MED27: variants seen among roughly 807,000 people sequenced by gnomAD.
MED27 encodes mediator of RNA polymerase II transcription subunit 27.
Under a neutral mutation model 38.2 loss-of-function variants are expected in MED27, and 30 were observed. The ratio of observed to expected loss-of-function variants is 0.79; its 90% CI spans 0.59 to 1.07. The LOEUF (loss-of-function observed/expected upper bound fraction) is 1.07, where lower values mean the gene tolerates loss of function less well. Ranked by LOEUF, MED27 falls within the 50% of genes least tolerant of loss-of-function variation. MED27 has a pLI of 0.00. For synonymous variants in MED27, 122 were observed against 153.5 expected (o/e 0.79, Z 1.52); for missense variants, 289 against 397.5 (o/e 0.73, Z 2.32).
intron 3 of MED27, among the ~76,000 whole-genome samples, chr9:131,939,787 G>A (rs532123533): frequency 3.3e-5 from 5 of 152,094 alleles, no homozygotes; most frequent in East Asian, 1.9e-4. Context: ...TGTCCTTCCA[G>A]TCCAGGATGG....
At chr9:131,888,735 G>C (rs1462459357) in intron 5 of MED27, among the ~76,000 whole-genome samples, 2 of 152,140 alleles carry the variant, frequency 1.3e-5, no homozygotes, top group African/African-American at 4.8e-5. Flanking sequence ...CTGCAAACCA[G>C]CTATGGTGAC....
chr9:131,876,358 C>T (rs895895647), intron 6 of MED27, among the ~76,000 whole-genome samples: 1 of 152,132 alleles, frequency 6.6e-6, no homozygotes, highest in African/African-American at 2.4e-5. Context: ...AACAGGATGG[C>T]CCAGGCTTTC....
intron 2 of MED27, among the ~76,000 whole-genome samples, chr9:132,022,289 T>C (rs1832733638): frequency 6.6e-6 from 1 of 152,248 alleles, no homozygotes; most frequent in Admixed American, 6.5e-5. Flanking sequence ...TTGCATATTA[T>C]ACTTCTGGAC....
At chr9:131,953,908 C>T (rs1213746960) in intron 3 of MED27, among the ~76,000 whole-genome samples, 1 of 151,446 alleles carries the variant, frequency 6.6e-6, no homozygotes, top group Non-Finnish European at 1.5e-5. Context: ...ACCTCTGCCT[C>T]CCGGGTTCAA....
chr9:131,860,237 C>T lies in MED27; in HGVS notation c.*301G>A, dbSNP rs940970512. 38 of 297,762 alleles carry T rather than the reference C, an allele frequency of 1.3e-4. No homozygotes were observed. The highest frequency in any genetic ancestry group is 7.1e-4 in the African/African-American group (33 of 46,154). 18.4% of individuals were successfully genotyped at this position (297,762 alleles called of 1,614,324 possible). On this transcript the variant is annotated 3_prime_UTR_variant, in exon 8 of 8. Coordinates refer to ENST00000292035, the MANE Select transcript of MED27 (RefSeq NM_004269.4). This position sits in a 1 kb window ranked among gnomAD's most constrained non-coding sequence, Gnocchi z 5.8. ...TCATTCCAGTAACAGCTCGCGGAGA[C>T]GACAGACACCAGCACTGCCGACACA...
chr9:131,916,490 G>A (rs1424395932), intron 4 of MED27, among the ~76,000 whole-genome samples: 1 of 152,192 alleles, frequency 6.6e-6, no homozygotes, highest in Admixed American at 6.5e-5. Flanking sequence ...GGAGAGAAAT[G>A]GCTCCATTTG....
In MED27 at chr9:132,077,579, C is replaced by A; in HGVS notation, c.211G>T (p.Glu71Ter). The A allele has an allele frequency of 6.2e-7, 1 of 1,614,042 alleles. No individual in the cohort carries two copies. The highest frequency in any genetic ancestry group is 1.3e-5 in the African/African-American group (1 of 75,040). Residue 71 changes from glutamate (E) to a stop codon, truncating the protein, a stop_gained, in exon 2 of 8, where the codon GAA (glutamate) becomes TAA (stop). Coordinates refer to ENST00000292035, the MANE Select transcript of MED27 (RefSeq NM_004269.4). LOFTEE classifies it high-confidence loss of function. ...TTGCCTACCAGATTGCTCAGACGTTCCAGCTCACTGAAAAGCAAAGAGACA... is the reference window on the plus strand; with the variant it reads ...TTGCCTACCAGATTGCTCAGACGTTACAGCTCACTGAAAAGCAAAGAGACA... ...HSVNRDLNELERLSNLVGKPS... is the reference protein window; with the variant it reads ...HSVNRDLNEL
At chr9:131,868,653 C>G (rs1589169628) in intron 6 of MED27, 1 of 985,378 alleles carries the variant, frequency 1.0e-6, no homozygotes, top group East Asian at 1.1e-4. Context: ...TGGGTGAGGG[C>G]AGCAGTGTGG....
At chr9:132,045,451 C>G (rs1180015251) in intron 2 of MED27, among the ~76,000 whole-genome samples, 1 of 144,628 alleles carries the variant, frequency 6.9e-6, no homozygotes, top group Non-Finnish European at 1.5e-5. Flanking sequence ...CACACACACA[C>G]ACAGACACAC....
chr9:131,991,628 A>T (rs1452281051), intron 3 of MED27, among the ~76,000 whole-genome samples: 1 of 152,210 alleles, frequency 6.6e-6, no homozygotes, highest in Non-Finnish European at 1.5e-5. Context: ...CTCAACACAA[A>T]ATATATAGCA....
intron 3 of MED27, among the ~76,000 whole-genome samples, chr9:131,964,770 T>C (rs1386091854): frequency 6.6e-6 from 1 of 152,244 alleles, no homozygotes; most frequent in Non-Finnish European, 1.5e-5. Flanking sequence ...CAAACTGGTC[T>C]GCTTTGATGA....
chr9:131,995,160 AG>A (rs1340997263), intron 3 of MED27, among the ~76,000 whole-genome samples: 3 of 152,096 alleles, frequency 2.0e-5, no homozygotes, highest in Non-Finnish European at 4.4e-5. Flanking sequence ...AGAAAGTATG[AG>A]GTATGGACAT....
At chr9:132,072,670 T>C (rs981585110) in intron 2 of MED27, among the ~76,000 whole-genome samples, 1 of 152,056 alleles carries the variant, frequency 6.6e-6, no homozygotes, top group Non-Finnish European at 1.5e-5. Flanking sequence ...GATGGGGTGC[T>C]ACGAAGGTTA....
At chr9:132,045,278 C>T (rs1164403596) in intron 2 of MED27, among the ~76,000 whole-genome samples, 1 of 151,930 alleles carries the variant, frequency 6.6e-6, no homozygotes, top group Non-Finnish European at 1.5e-5. Flanking sequence ...ACATATCTAT[C>T]GATACAAGAA....
At chr9:131,886,128 C>T (rs910656243) in intron 5 of MED27, among the ~76,000 whole-genome samples, 1 of 152,224 alleles carries the variant, frequency 6.6e-6, no homozygotes, top group Admixed American at 6.5e-5. Flanking sequence ...GCGGAATACA[C>T]TGAAACCTGG....
At chr9:132,068,091 G>A (rs1833849129) in intron 2 of MED27, among the ~76,000 whole-genome samples, 1 of 152,132 alleles carries the variant, frequency 6.6e-6, no homozygotes, top group Admixed American at 6.5e-5. Flanking sequence ...AAGGGGGGAG[G>A]AAACAAGCTA....
chr9:131,972,198 G>A (rs185432425), intron 3 of MED27, among the ~76,000 whole-genome samples: 20 of 152,194 alleles, frequency 1.3e-4, no homozygotes, highest in African/African-American at 4.1e-4. Flanking sequence ...GTACTAAAAC[G>A]ATCTATTCCT....
chr9:131,894,254 CAT>C (rs1829790066), intron 4 of MED27, among the ~76,000 whole-genome samples: 1 of 152,208 alleles, frequency 6.6e-6, no homozygotes, highest in Non-Finnish European at 1.5e-5. Context: ...GGATAAGTTT[CAT>C]ATGTTTACTA....
At chr9:131,981,969 G>A (rs1020775918) in intron 3 of MED27, among the ~76,000 whole-genome samples, 4 of 152,158 alleles carry the variant, frequency 2.6e-5, no homozygotes, top group African/African-American at 9.7e-5. Context: ...ACCCTCCCCT[G>A]ACGTCCAGCC....
Sources: gnomAD v4.1 joint callset for allele counts (sites outside exome capture counted in the v4.1 genomes callset) on GRCh38, gnomAD v4.1.1 for gene constraint, Gnocchi (gnomAD v3.1) non-coding constraint, MANE v1.5 for transcripts, NCBI Gene and HGNC (gene_info 2026-07-23, HGNC 2026-07-21) for gene names.